Variants in IRAK3 observed in about 807,000 individuals in gnomAD.
The protein encoded by IRAK3 is interleukin 1 receptor associated kinase 3.
Under a neutral mutation model 56.6 loss-of-function variants are expected in IRAK3, and 57 were observed. The observed-to-expected ratio is 1.01, with a 90% CI of 0.81 to 1.26. The LOEUF (loss-of-function observed/expected upper bound fraction) is 1.26, where lower values mean the gene tolerates loss of function less well. Ranked by LOEUF, IRAK3 falls within the 50% of genes most tolerant of loss-of-function variation. The probability of loss-of-function intolerance (pLI) is 0.00; values close to 1 mark genes in which losing one functional copy is unlikely to be tolerated. For missense variants in IRAK3, 703 were observed against 719.0 expected, an observed-to-expected ratio of 0.98 and a Z score of 0.25; for synonymous variants, 258 against 255.7, an observed-to-expected ratio of 1.01 and a Z score of -0.09.
intron 1 of IRAK3, among the ~76,000 whole-genome samples, chr12:66,191,942 C>A (rs1404746398): frequency 6.6e-6 from 1 of 152,194 alleles, no homozygotes; most frequent in Non-Finnish European, 1.5e-5. Flanking sequence ...AAAGGCAGCT[C>A]ATATAGCAGC....
At chr12:66,245,058 T>C in intron 10 of IRAK3, 40 bp from the exon 11 acceptor site, 1 of 1,613,702 alleles carries the variant, frequency 6.2e-7, no homozygotes, top group Non-Finnish European at 8.5e-7. Flanking sequence ...CATTTTTTGA[T>C]CAAGTTCTCT....
rs76408141 is a variant in IRAK3, at chr12:66,211,549, C to A, written c.540C>A (p.Tyr180Ter). ...GAGAAGGAGAGATTTTTGAGGTATA[C>A]AGAGTGGAGATTCAAAACCTAACAT... ...LIGEGEIFEV[Y>*]RVEIQNLTYA... is the part of the protein sequence containing the mutation. Residue 180 changes from tyrosine to a stop codon, truncating the protein, a stop_gained, in exon 5 of 12, where the codon TAC (tyrosine) becomes TAA (stop). Transcript: ENST00000261233. LOFTEE classifies it high-confidence loss of function. The A allele has an allele frequency of 2.0e-4, 315 of 1,611,632 alleles. 1 individual carries two copies. In the Admixed American group the frequency reaches 3.7e-3, roughly 19 times the overall value.
intron 5 of IRAK3, among the ~76,000 whole-genome samples, chr12:66,215,788 A>AAGTGCACGTGCGCGCGCGCGCG (rs1555203513): frequency 1.3e-4 from 17 of 131,684 alleles, no homozygotes; most frequent in African/African-American, 4.5e-4. Flanking sequence ...CCCAACATGC[A>AAGTGCACGTGCGCGCGCGCGCG]CACACACACA....
chr12:66,197,762 TC>T, intron 1 of IRAK3: 11 of 985,412 alleles, frequency 1.1e-5, no homozygotes, highest in Non-Finnish European at 1.3e-5. Context: ...AAACCCCAGC[TC>T]ATTTGGCATC....
At chr12:66,247,656 C>G in intron 11 of IRAK3, 39 bp from the exon 12 acceptor site, 1 of 1,264,306 alleles carries the variant, frequency 7.9e-7, no homozygotes, top group African/African-American at 1.5e-5. Flanking sequence ...AAAGATTATT[C>G]AAACTTAATT....
intron 11 of IRAK3, among the ~76,000 whole-genome samples, chr12:66,245,529 C>CTTT (rs745553622): frequency 0.013 from 955 of 75,414 alleles, 10 homozygotes; most frequent in East Asian, 0.029. Context: ...TTTATTCAAT[C>CTTT]TTTTTTTTTT....
intron 1 of IRAK3, among the ~76,000 whole-genome samples, chr12:66,199,769 G>A (rs1214515398): frequency 6.8e-6 from 1 of 147,152 alleles, no homozygotes; most frequent in African/African-American, 2.6e-5. Context: ...GCTAAATAAA[G>A]TGTTTATAAA....
chr12:66,245,051 T>G lies in IRAK3; in HGVS notation c.1149+41T>G, dbSNP rs192550493. The G allele has an allele frequency of 2.9e-4, 474 of 1,613,652 alleles. 1 individual carries two copies. In the African/African-American group the frequency reaches 5.5e-3, roughly 19 times the overall value. On this transcript the variant is annotated intron_variant, in intron 10 of 11. Coordinates refer to ENST00000261233, the MANE Select transcript of IRAK3 (RefSeq NM_007199.3). ...ATCCTGGCACCTATCTCTTGGTCAT[T>G]TTTTGATCAAGTTCTCTGTGATAAA... is the stretch of plus-strand genomic sequence containing the variant.
chr12:66,190,387 GA>G (rs35465959), intron 1 of IRAK3, among the ~76,000 whole-genome samples: 36,267 of 146,844 alleles, frequency 0.25, 4,699 homozygotes, highest in Middle Eastern at 0.37. Context: ...TGGCCCTTAA[GA>G]AAAAAAAAAA....
intron 3 of IRAK3, among the ~76,000 whole-genome samples, chr12:66,209,941 T>A (rs959556780): frequency 1.3e-5 from 2 of 152,154 alleles, no homozygotes; most frequent in African/African-American, 4.8e-5. Context: ...AAACTTGAGT[T>A]TTTACTGTTG....
chr12:66,199,879 C>T (rs1481370458), intron 1 of IRAK3, among the ~76,000 whole-genome samples: 1 of 152,076 alleles, frequency 6.6e-6, no homozygotes, highest in Non-Finnish European at 1.5e-5. Flanking sequence ...TTAAAGGCTT[C>T]CTTTTAAAAA....
At chr12:66,234,245 C>T in intron 8 of IRAK3, 6 of 1,613,530 alleles carry the variant, frequency 3.7e-6, no homozygotes, top group Middle Eastern at 1.8e-4. Context: ...TCCGGTGCTG[C>T]CTAGTGACAG....
intron 6 of IRAK3, among the ~76,000 whole-genome samples, chr12:66,225,522 A>G (rs1354236349): frequency 6.6e-6 from 1 of 152,094 alleles, no homozygotes; most frequent in Non-Finnish European, 1.5e-5. Context: ...AGAAATGAAT[A>G]ATAGGTTTTT....
At chr12:66,215,430 A>G (rs1301111724) in intron 5 of IRAK3, among the ~76,000 whole-genome samples, 2 of 151,886 alleles carry the variant, frequency 1.3e-5, no homozygotes, top group African/African-American at 2.4e-5. Flanking sequence ...TTTGGGTGAC[A>G]CTCCTATGTG....
rs1383257454 is a variant in IRAK3 at position 66,248,005 on chromosome 12, G to C, written c.1625G>C (p.Ser542Thr). Residue 542 changes from serine to threonine, a missense_variant, in exon 12 of 12, where the codon AGT becomes ACT. Coordinates refer to ENST00000261233, the MANE Select transcript of IRAK3 (RefSeq NM_007199.3). ...ATGCCCAGTTCTTCTTGTGAAGAAA[G>C]TTGGTTCCCAAAGTATATAGTTCCA... is the stretch of plus-strand genomic sequence containing the variant. Reference protein sequence around the residue: ...CNMPSSSCEESWFPKYIVPSQ... With the variant: ...CNMPSSSCEETWFPKYIVPSQ... The C allele has an allele frequency of 6.2e-7, 1 of 1,601,114 alleles. No individual in the cohort carries two copies. The highest frequency in any genetic ancestry group is 1.7e-5 in the Admixed American group (1 of 57,670).
chr12:66,227,284 T>C (rs1205329714), intron 7 of IRAK3, among the ~76,000 whole-genome samples: 1 of 152,166 alleles, frequency 6.6e-6, no homozygotes, highest in East Asian at 1.9e-4. Flanking sequence ...CATAGCCAGA[T>C]TCTCGCCTCT....
At chr12:66,226,344 A>T (rs1314300136) in intron 6 of IRAK3, among the ~76,000 whole-genome samples, 1 of 151,800 alleles carries the variant, frequency 6.6e-6, no homozygotes, top group African/African-American at 2.4e-5. Flanking sequence ...CGGTTCAAGC[A>T]ATTCTCCTGC....
intron 11 of IRAK3, among the ~76,000 whole-genome samples, chr12:66,247,323 G>T (rs1264758069): frequency 6.6e-6 from 1 of 151,998 alleles, no homozygotes; most frequent in Non-Finnish European, 1.5e-5. Context: ...CAAAAAACTG[G>T]CATTTAAGAA....
intron 1 of IRAK3, among the ~76,000 whole-genome samples, chr12:66,202,324 G>C (rs142190594): frequency 1.3e-5 from 2 of 152,226 alleles, no homozygotes; most frequent in Non-Finnish European, 2.9e-5. Flanking sequence ...CTGGCACCAG[G>C]ATTGAGCTTC....
Sources: allele counts gnomAD v4.1 joint callset (sites outside exome capture counted in the v4.1 genomes callset), GRCh38; gene constraint gnomAD v4.1.1; transcripts MANE v1.5; gene names NCBI Gene and HGNC (gene_info 2026-07-23, HGNC 2026-07-21).